PCDH11X: variants seen among roughly 807,000 people sequenced by gnomAD.
The protein encoded by PCDH11X is protocadherin-11 X-linked.
In PCDH11X, 18 loss-of-function variants were observed where a neutral mutation model predicts 53.3. The ratio of observed to expected loss-of-function variants is 0.34; its 90% CI spans 0.23 to 0.50. The LOEUF is 0.50. PCDH11X is among the 20% of genes least tolerant of loss of function. The pLI is 0.98. For missense variants in PCDH11X, 570 were observed against 1,032.4 expected (o/e 0.55, Z 6.14); for synonymous variants, 279 against 393.3 (o/e 0.71, Z 3.44).
intron 8 of PCDH11X, among the ~76,000 whole-genome samples, chrX:92,355,125 TCTC>T (rs945805515): frequency 1.9e-5 from 2 of 107,504 alleles, no homozygotes; most frequent in African/African-American, 6.8e-5. Context: ...GTTGACTACT[TCTC>T]ATTAAAAGAA....
At position 92,003,292 on chromosome X, in the gene PCDH11X, G is replaced by C. The variant is rs1259511333; in HGVS notation, c.3033+124019G>C. 2.9e-5 allele frequency among the ~76,000 whole-genome samples: 3 copies of C among 103,732 alleles called. No homozygotes were observed. The Admixed American group carries it at 3.2e-4, about 11-fold the overall frequency. 90.1% of individuals were successfully genotyped at this position (103,732 alleles called of 115,157 possible). A position where few individuals can be genotyped will look rare whatever the true frequency, so the allele number is the denominator to read the frequency against. On this transcript the variant is annotated intron_variant, in intron 6 of 10. Transcript: ENST00000682573. ...GTTGATTTTAGCTTGCTAGTATTTT[G>C]TTGAGGATTTTTGCATCAATACTCA...
chrX:92,300,405 G>A (rs1289685538), intron 8 of PCDH11X, among the ~76,000 whole-genome samples: 3 of 111,197 alleles, frequency 2.7e-5, no homozygotes, highest in Non-Finnish European at 5.7e-5. Context: ...TCATATGTGT[G>A]GGCTGATTTT....
intron 6 of PCDH11X, among the ~76,000 whole-genome samples, chrX:92,055,973 A>C (rs780669625): frequency 9.1e-6 from 1 of 109,649 alleles, no homozygotes; most frequent in Non-Finnish European, 1.9e-5. Flanking sequence ...GGTTGATTTC[A>C]TGTCTTTGCT....
chrX:92,288,917 G>A (rs2068437266), intron 8 of PCDH11X, among the ~76,000 whole-genome samples: 1 of 110,008 alleles, frequency 9.1e-6, no homozygotes, highest in African/African-American at 3.3e-5. Flanking sequence ...ATTAATGAAT[G>A]CTGTATTGAA....
chrX:91,934,383 T>C (rs1474246946), intron 6 of PCDH11X, among the ~76,000 whole-genome samples: 1 of 111,596 alleles, frequency 9.0e-6, no homozygotes, highest in Non-Finnish European at 1.9e-5. Flanking sequence ...CTTACCATTT[T>C]TCCCCCCTGA....
At chrX:92,476,334 CTT>C (rs1215247765) in intron 10 of PCDH11X, among the ~76,000 whole-genome samples, 1 of 110,957 alleles carries the variant, frequency 9.0e-6, no homozygotes, top group African/African-American at 3.3e-5. Flanking sequence ...TACAAAGACT[CTT>C]ATGCATTCTT....
At chrX:92,255,664 G>A (rs775205754) in intron 7 of PCDH11X, among the ~76,000 whole-genome samples, 44 of 110,942 alleles carry the variant, frequency 4.0e-4, no homozygotes, top group African/African-American at 1.4e-3. Context: ...CTAACAGACA[G>A]GACCCTCAGC....
In PCDH11X at chrX:91,878,238, C is replaced by G; in HGVS notation, c.1998C>G (p.Val666=). The change falls in exon 6 of 11, where the codon GTC becomes GTG. Residue 666 remains valine, a synonymous_variant. Transcript: ENST00000682573. ...AAGTAACCATAAATGTGGTTGATGTCAATGACAACAAACCAGTTTTCATTG... is the reference window on the plus strand; with the variant it reads ...AAGTAACCATAAATGTGGTTGATGTGAATGACAACAAACCAGTTTTCATTG... The part of the protein sequence containing the change: ...SAKVTINVVD[V]NDNKPVFIVP... 8.3e-7 allele frequency: 1 copy of G among 1,210,919 alleles called. No individual in the cohort carries two copies. Among genetic ancestry groups the G allele is most frequent in the Non-Finnish European group, 1.1e-6 (1 of 895,257 alleles).
At chrX:92,276,941 C>A (rs1327007222) in intron 8 of PCDH11X, among the ~76,000 whole-genome samples, 1 of 111,167 alleles carries the variant, frequency 9.0e-6, no homozygotes, top group Admixed American at 9.6e-5. Context: ...CTTGACTATG[C>A]CTTTGGCTCC....
At chrX:92,609,758 C>A (rs1252876042) in intron 10 of PCDH11X, among the ~76,000 whole-genome samples, 2 of 110,467 alleles carry the variant, frequency 1.8e-5, no homozygotes, top group African/African-American at 6.6e-5. Context: ...CCCCTCTCTC[C>A]CTTCTAATAC....
intron 6 of PCDH11X, among the ~76,000 whole-genome samples, chrX:92,132,151 G>C (rs1395882144): frequency 3.0e-5 from 3 of 100,949 alleles, no homozygotes; most frequent in Admixed American, 1.1e-4. Context: ...TGGGCGTGGT[G>C]GTGGGGGCCT....
chrX:92,584,042 A>G (rs1924041030), intron 10 of PCDH11X, among the ~76,000 whole-genome samples: 1 of 111,480 alleles, frequency 9.0e-6, no homozygotes, highest in African/African-American at 3.3e-5. Flanking sequence ...GACAATGATG[A>G]AATAAATAAA....
intron 8 of PCDH11X, among the ~76,000 whole-genome samples, chrX:92,359,501 A>G (rs1477725108): frequency 9.1e-6 from 1 of 110,041 alleles, no homozygotes; most frequent in Non-Finnish European, 1.9e-5. Context: ...CTTTAGTTTA[A>G]AGCAAAGTTC....
rs1037480254 is a variant in PCDH11X at position 92,246,335 on chromosome X, A to AT, written c.3115-16769dup. Among the ~76,000 whole-genome samples the AT allele has an allele frequency of 1.5e-3, 163 of 108,154 alleles. 1 individual carries two copies. Among genetic ancestry groups the AT allele is most frequent in the South Asian group, 4.0e-3 (10 of 2,509 alleles). 93.9% of individuals were successfully genotyped at this position (108,154 alleles called of 115,157 possible). On this transcript the variant is annotated intron_variant, in intron 7 of 10. Transcript: ENST00000682573. Reference sequence around the variant, plus strand: ...TATAGCAACAAGTTGTGGTGAAAAGATTTTTTTTTTACTTTTTTGTTGTTG... The same window carrying AT: ...TATAGCAACAAGTTGTGGTGAAAAGATTTTTTTTTTTACTTTTTTGTTGTTG...
At chrX:91,893,845 A>T (rs777567893) in intron 6 of PCDH11X, among the ~76,000 whole-genome samples, 1 of 111,628 alleles carries the variant, frequency 9.0e-6, no homozygotes, top group African/African-American at 3.2e-5. Flanking sequence ...TATATATATA[A>T]AATTTTAAGG....
intron 9 of PCDH11X, among the ~76,000 whole-genome samples, chrX:92,461,104 A>G (rs1359703303): frequency 9.3e-6 from 1 of 107,398 alleles, no homozygotes; most frequent in Non-Finnish European, 1.9e-5. Context: ...TCATATTCAT[A>G]GATTTGAAAA....
intron 6 of PCDH11X, among the ~76,000 whole-genome samples, chrX:91,977,357 C>A (rs1192535328): frequency 8.9e-6 from 1 of 111,868 alleles, no homozygotes; most frequent in African/African-American, 3.2e-5. Context: ...ACAAATAAAC[C>A]AGCTTCTGAC....
intron 6 of PCDH11X, among the ~76,000 whole-genome samples, chrX:91,893,005 C>A (rs1940577804): frequency 1.8e-5 from 2 of 109,576 alleles, no homozygotes; most frequent in Non-Finnish European, 3.8e-5. Flanking sequence ...GAAATGCTAC[C>A]TGATTTTATT....
At chrX:92,528,192 T>C (rs1243041347) in intron 10 of PCDH11X, among the ~76,000 whole-genome samples, 2 of 112,592 alleles carry the variant, frequency 1.8e-5, no homozygotes, top group Non-Finnish European at 3.8e-5. Context: ...AGAGAAGATT[T>C]AGTTTAAGAA....
Sources: gnomAD v4.1 joint callset for allele counts (sites outside exome capture counted in the v4.1 genomes callset) on GRCh38, gnomAD v4.1.1 for gene constraint, MANE v1.5 for transcripts, NCBI Gene and HGNC (gene_info 2026-07-23, HGNC 2026-07-21) for gene names.